ROCK1: variants seen among roughly 807,000 people sequenced by gnomAD.
ROCK1 encodes Rho associated coiled-coil containing protein kinase 1.
A neutral mutation model predicts 196.8 loss-of-function variants in ROCK1; 36 were observed. The observed-to-expected ratio is 0.18, with a 90% CI of 0.14 to 0.24. ROCK1 has a LOEUF of 0.24. Among genes scored for constraint, ROCK1 ranks in the 10% least tolerant of loss-of-function variants. ROCK1 has a pLI of 1.00. For missense variants in ROCK1, 920 were observed against 1,562.0 expected (o/e 0.59, Z 6.93); for synonymous variants, 443 against 515.9 (o/e 0.86, Z 1.91).
At chr18:21,065,860 T>C (rs1279329387) in intron 2 of ROCK1, among the ~76,000 whole-genome samples, 2 of 152,118 alleles carry the variant, frequency 1.3e-5, no homozygotes, top group East Asian at 3.8e-4. Context: ...CCTTTCCCTT[T>C]TGTTTCCACA....
chr18:21,074,691 G>A (rs2036414518), intron 1 of ROCK1, among the ~76,000 whole-genome samples: 1 of 152,170 alleles, frequency 6.6e-6, no homozygotes, highest in African/African-American at 2.4e-5. Flanking sequence ...CTGTTATACT[G>A]TAATTATTTA....
chr18:21,067,647 A>G (rs2036347756), intron 2 of ROCK1, among the ~76,000 whole-genome samples: 1 of 152,162 alleles, frequency 6.6e-6, no homozygotes, highest in South Asian at 2.1e-4. Context: ...TCAGCCTCCC[A>G]AAGTGCTGGG....
chr18:20,952,372 ACT>A (rs1029037126), intron 32 of ROCK1, among the ~76,000 whole-genome samples: 3 of 142,542 alleles, frequency 2.1e-5, no homozygotes, highest in African/African-American at 7.7e-5. Flanking sequence ...ACAGAGCGAG[ACT>A]CTGTCTCAAA....
intron 1 of ROCK1, among the ~76,000 whole-genome samples, chr18:21,081,293 TAGAAAATACTTTG>T (rs1160646013): frequency 6.6e-6 from 1 of 151,980 alleles, no homozygotes; most frequent in Non-Finnish European, 1.5e-5. Flanking sequence ...ATTGGGAAAT[TAGAAAATACTTTG>T]AGACAAATGA....
chr18:20,996,659 G>A (rs1309453781), intron 16 of ROCK1, among the ~76,000 whole-genome samples: 1 of 152,172 alleles, frequency 6.6e-6, no homozygotes, highest in Admixed American at 6.5e-5. Flanking sequence ...CTGTAACACT[G>A]CAATTGCAGT....
chr18:20,993,341 T>C (rs1598520803), intron 16 of ROCK1, among the ~76,000 whole-genome samples: 1 of 152,232 alleles, frequency 6.6e-6, no homozygotes. Context: ...TAGCTGGGAC[T>C]ACAGGCGCCT....
chr18:21,099,714 C>T (rs2036642275), intron 1 of ROCK1, among the ~76,000 whole-genome samples: 1 of 152,190 alleles, frequency 6.6e-6, no homozygotes, highest in Admixed American at 6.5e-5. Context: ...CACTGCACTC[C>T]AGCCTGGGGG....
intron 12 of ROCK1, among the ~76,000 whole-genome samples, chr18:21,019,488 A>T (rs1210267064): frequency 6.6e-6 from 1 of 152,266 alleles, no homozygotes; most frequent in African/African-American, 2.4e-5. Flanking sequence ...TTAGCATTAC[A>T]GTTTTTTAAG....
chr18:21,001,349 G>A (rs2035722388), intron 16 of ROCK1, among the ~76,000 whole-genome samples: 1 of 152,188 alleles, frequency 6.6e-6, no homozygotes, highest in African/African-American at 2.4e-5. Context: ...ACCACATAGA[G>A]GAGGTATTTG....
intron 16 of ROCK1, among the ~76,000 whole-genome samples, chr18:21,001,647 C>T (rs2035725516): frequency 6.6e-6 from 1 of 151,998 alleles, no homozygotes; most frequent in Non-Finnish European, 1.5e-5. Flanking sequence ...TGCCTGTAGT[C>T]CCAGCTACTT....
chr18:21,006,862 A>G, intron 14 of ROCK1, 72 bp from the exon 15 acceptor site: 2 of 1,131,214 alleles, frequency 1.8e-6, no homozygotes, highest in Non-Finnish European at 2.5e-6. Context: ...CCTTTTTTAA[A>G]AAAAGACATT....
chr18:21,111,273 C>T lies in ROCK1; in HGVS notation c.-363G>A. On this transcript the variant is annotated 5_prime_UTR_variant, in exon 1 of 33. Transcript: ENST00000399799. The surrounding 1 kb of genome is among the most constrained non-coding windows in gnomAD (Gnocchi z 4.2). ...GTCCCCGTCCCGAGATGGGCAGGAG[C>T]GGGTAGAGAAAGAGAAGCAGGGTGG... The T allele has an allele frequency of 2.1e-6, 1 of 468,642 alleles. No homozygotes were observed. Among genetic ancestry groups the T allele is most frequent in the Non-Finnish European group, 3.7e-6 (1 of 267,816 alleles). 29.0% of individuals were successfully genotyped at this position (468,642 alleles called of 1,614,324 possible).
chr18:21,097,102 G>A (rs2036619116), intron 1 of ROCK1, among the ~76,000 whole-genome samples: 1 of 152,196 alleles, frequency 6.6e-6, no homozygotes, highest in African/African-American at 2.4e-5. Flanking sequence ...ACTATAGAAA[G>A]CAAGAAAATC....
chr18:21,044,249 T>C, intron 5 of ROCK1, 63 bp from the exon 6 acceptor site: 3 of 1,253,256 alleles, frequency 2.4e-6, no homozygotes, highest in Admixed American at 3.8e-5. Flanking sequence ...AAAAATTATA[T>C]GAGGCAGTTA....
At chr18:20,981,421 A>T (rs2035532461) in intron 21 of ROCK1, among the ~76,000 whole-genome samples, 1 of 152,156 alleles carries the variant, frequency 6.6e-6, no homozygotes, top group Admixed American at 6.6e-5. Context: ...TCCACAAATA[A>T]GATTTATCAA....
intron 9 of ROCK1, among the ~76,000 whole-genome samples, chr18:21,038,608 G>C (rs1420493879): frequency 6.6e-6 from 1 of 152,164 alleles, no homozygotes; most frequent in Admixed American, 6.5e-5. Flanking sequence ...GTCTCAACTA[G>C]ATAGGCAGTC....
At chr18:21,087,377 G>T (rs1354839678) in intron 1 of ROCK1, among the ~76,000 whole-genome samples, 1 of 152,098 alleles carries the variant, frequency 6.6e-6, no homozygotes. Flanking sequence ...TTCAAATTAA[G>T]AAACAGATTG....
chr18:21,014,663 T>C (rs1279478476), intron 13 of ROCK1, among the ~76,000 whole-genome samples: 2 of 152,196 alleles, frequency 1.3e-5, no homozygotes, highest in Non-Finnish European at 1.5e-5. Context: ...AGTTAGTAAA[T>C]GCTCTCTAAA....
chr18:20,959,759 TATAAA>T lies in ROCK1; in HGVS notation c.3512+76_3512+80del, dbSNP rs544268265. 1.9e-3 allele frequency: 1,322 copies of T among 682,360 alleles called. 8 individuals carry two copies. The African/African-American group carries it at 0.023, about 12-fold the overall frequency. The allele number at this position is 682,360 out of a possible 1,614,324, so 42.3% of individuals were successfully genotyped here. On this transcript the variant is annotated intron_variant, in intron 29 of 32. Coordinates refer to ENST00000399799, the MANE Select transcript of ROCK1 (RefSeq NM_005406.3). ...GTAACAGTGCTGAAGTAACACAAAA[TATAAA>T]ATAAATTTTAAGTCTAAAAATAATT...
Sources: allele counts gnomAD v4.1 joint callset (sites outside exome capture counted in the v4.1 genomes callset), GRCh38; gene constraint gnomAD v4.1.1; non-coding constraint Gnocchi (gnomAD v3.1); transcripts MANE v1.5; gene names NCBI Gene and HGNC (gene_info 2026-07-23, HGNC 2026-07-21).